The following EPHA3 variants were observed in gnomAD, a reference collection of about 807,000 sequenced individuals.
EPHA3 encodes the protein ephrin type-A receptor 3.
Under a neutral mutation model 107.1 loss-of-function variants are expected in EPHA3, and 42 were observed. That is an observed-to-expected ratio of 0.39 (90% CI 0.31 to 0.51). EPHA3 has a LOEUF of 0.51. EPHA3 is among the 20% of genes least tolerant of loss of function. The pLI, the probability that EPHA3 is intolerant of heterozygous loss-of-function variation, is 0.78. For synonymous variants in EPHA3, 461 were observed against 424.8 expected (o/e 1.09, Z -1.05); for missense variants, 1,183 against 1,211.2 (o/e 0.98, Z 0.35).
chr3:89,286,538 G>T (rs1706087514), intron 3 of EPHA3, among the ~76,000 whole-genome samples: 3 of 152,066 alleles, frequency 2.0e-5, no homozygotes, highest in Admixed American at 6.6e-5. Flanking sequence ...TGATGAGAAT[G>T]GGTAAAATAC....
chr3:89,240,257 T>C (rs1320981799), intron 3 of EPHA3, among the ~76,000 whole-genome samples: 2 of 152,240 alleles, frequency 1.3e-5, no homozygotes, highest in Non-Finnish European at 2.9e-5. Flanking sequence ...ATTAGAACTT[T>C]CTGAGCAAAT....
intron 3 of EPHA3, among the ~76,000 whole-genome samples, chr3:89,224,140 A>G (rs897538976): frequency 6.6e-6 from 1 of 152,216 alleles, no homozygotes; most frequent in Non-Finnish European, 1.5e-5. Context: ...TGGGAGATGT[A>G]AACCTGGACA....
chr3:89,201,711 G>A (rs1559597544), intron 2 of EPHA3, among the ~76,000 whole-genome samples: 1 of 152,086 alleles, frequency 6.6e-6, no homozygotes, highest in Non-Finnish European at 1.5e-5. Context: ...TTTAATATTA[G>A]AAGTGCTTCG....
At chr3:89,410,815 A>T (rs1709144133) in intron 9 of EPHA3, among the ~76,000 whole-genome samples, 1 of 151,908 alleles carries the variant, frequency 6.6e-6, no homozygotes, top group Admixed American at 6.6e-5. Flanking sequence ...CCTTAATCTT[A>T]AAGAAGTTTC....
rs1704454192 is a variant in EPHA3, at chr3:89,142,550, A to C, written c.153+15277A>C. On this transcript the variant is annotated intron_variant, in intron 2 of 16. Coordinates refer to ENST00000336596, the MANE Select transcript of EPHA3 (RefSeq NM_005233.6). ...TACAGCAAAGTAAAAGGATGTTTTA[A>C]TTGTTTAATTATTGGTCTTTATTCA... Among the ~76,000 whole-genome samples the C allele has an allele frequency of 2.6e-5, 4 of 151,418 alleles. No individual in the cohort carries two copies. The South Asian group carries it at 8.3e-4, about 31-fold the overall frequency.
chr3:89,460,037 G>C (rs1325363868), intron 15 of EPHA3, among the ~76,000 whole-genome samples: 1 of 151,982 alleles, frequency 6.6e-6, no homozygotes, highest in East Asian at 1.9e-4. Flanking sequence ...TATAACTGAA[G>C]CTAAATTAAA....
intron 2 of EPHA3, among the ~76,000 whole-genome samples, chr3:89,207,425 G>T (rs1179723534): frequency 6.6e-6 from 1 of 152,118 alleles, no homozygotes; most frequent in Non-Finnish European, 1.5e-5. Flanking sequence ...CTCAAAACTT[G>T]ACCTCATGCG....
chr3:89,442,018 C>G (rs541358974), intron 13 of EPHA3, among the ~76,000 whole-genome samples: 43 of 152,154 alleles, frequency 2.8e-4, no homozygotes, highest in African/African-American at 1.0e-3. Flanking sequence ...GGAGCAAGCA[C>G]TTGTATCTTA....
intron 3 of EPHA3, among the ~76,000 whole-genome samples, chr3:89,308,438 T>G (rs2107357118): frequency 6.6e-6 from 1 of 152,104 alleles, no homozygotes; most frequent in Non-Finnish European, 1.5e-5. Context: ...TAATAGTGTG[T>G]GGGTGGGTGG....
chr3:89,298,329 G>T (rs1423991600), intron 3 of EPHA3, among the ~76,000 whole-genome samples: 1 of 151,968 alleles, frequency 6.6e-6, no homozygotes, highest in Non-Finnish European at 1.5e-5. Context: ...AGTCATCTTG[G>T]TCTCCCTGGA....
At chr3:89,298,612 C>T (rs1428655321) in intron 3 of EPHA3, among the ~76,000 whole-genome samples, 1 of 151,812 alleles carries the variant, frequency 6.6e-6, no homozygotes, top group African/African-American at 2.4e-5. Context: ...TTACTTTTTC[C>T]TGACCAGGAT....
chr3:89,281,004 A>ATTTTTTTTTTATTTATTTAT lies in EPHA3; in HGVS notation c.815-59910_815-59909insTTTTTTTTATTTATTTATTT, dbSNP rs71105126. 1.2e-3 allele frequency among the ~76,000 whole-genome samples: 173 copies of ATTTTTTTTTTATTTATTTAT among 147,364 alleles called. 1 individual carries two copies. Among genetic ancestry groups the ATTTTTTTTTTATTTATTTAT allele is most frequent in the African/African-American group, 4.2e-3 (165 of 39,104 alleles). Reference sequence around the variant, plus strand: ...ACCATATGAATCTTACAAGATTTTTATTATTTATTTATTTATTTATTTATT... The same window carrying ATTTTTTTTTTATTTATTTAT: ...ACCATATGAATCTTACAAGATTTTTATTTTTTTTTTATTTATTTATTTATTTATTTATTTATTTATTTATT... On this transcript the variant is annotated intron_variant, in intron 3 of 16. Coordinates refer to ENST00000336596, the MANE Select transcript of EPHA3 (RefSeq NM_005233.6).
At chr3:89,398,093 A>G (rs1029074047) in intron 6 of EPHA3, among the ~76,000 whole-genome samples, 10 of 152,228 alleles carry the variant, frequency 6.6e-5, no homozygotes, top group African/African-American at 2.4e-4. Context: ...TCTAGGATTT[A>G]AGGTCCACAA....
At chr3:89,242,348 A>T (rs1261717347) in intron 3 of EPHA3, among the ~76,000 whole-genome samples, 2 of 152,234 alleles carry the variant, frequency 1.3e-5, no homozygotes, top group East Asian at 1.9e-4. Context: ...GAATGACTGT[A>T]AGTTTCAGTG....
chr3:89,412,371 T>C (rs936417601), intron 9 of EPHA3, among the ~76,000 whole-genome samples: 42 of 151,726 alleles, frequency 2.8e-4, no homozygotes, highest in Admixed American at 4.0e-4. Context: ...ATAAATTACA[T>C]ATATGACTTA....
intron 16 of EPHA3, among the ~76,000 whole-genome samples, chr3:89,476,286 C>T (rs1428204395): frequency 6.8e-6 from 1 of 147,684 alleles, no homozygotes; most frequent in Non-Finnish European, 1.5e-5. Flanking sequence ...CAGTTTTTTG[C>T]AGAACATTTC....
intron 5 of EPHA3, among the ~76,000 whole-genome samples, chr3:89,345,288 G>A (rs147970757): frequency 1.3e-5 from 2 of 151,300 alleles, no homozygotes; most frequent in African/African-American, 4.8e-5. Context: ...TATCTGAGAA[G>A]CTTTTTCAAC....
chr3:89,380,563 C>T (rs1708481569), intron 5 of EPHA3, among the ~76,000 whole-genome samples: 1 of 152,118 alleles, frequency 6.6e-6, no homozygotes, highest in Non-Finnish European at 1.5e-5. Context: ...GACTAAACAA[C>T]ATTGTTTATT....
At position 89,481,570 on chromosome 3, in the gene EPHA3, A is replaced by C. The variant is rs1710622781; in HGVS notation, c.*2068A>C. ...CTCAACAAAACCCATGCATTTCATA[A>C]ACTAATAGAAGTTGAGGATTGTTGA... On this transcript the variant is annotated 3_prime_UTR_variant, in exon 17 of 17. Coordinates refer to ENST00000336596, the MANE Select transcript of EPHA3 (RefSeq NM_005233.6). The C allele has an allele frequency of 4.3e-6, 1 of 232,476 alleles. No homozygotes were observed. Among genetic ancestry groups the C allele is most frequent in the South Asian group, 1.8e-4 (1 of 5,524 alleles). 14.4% of individuals were successfully genotyped at this position (232,476 alleles called of 1,614,324 possible). A position where few individuals can be genotyped will look rare whatever the true frequency, so the allele number is the denominator to read the frequency against.
Sources: allele counts gnomAD v4.1 joint callset (sites outside exome capture counted in the v4.1 genomes callset), GRCh38; gene constraint gnomAD v4.1.1; transcripts MANE v1.5; gene names NCBI Gene and HGNC (gene_info 2026-07-23, HGNC 2026-07-21).